The following NPAS3 variants were observed in gnomAD, a reference collection of about 807,000 sequenced individuals.
NPAS3 encodes neuronal PAS domain-containing protein 3.
A neutral mutation model predicts 73.1 loss-of-function variants in NPAS3; 14 were observed. The ratio of observed to expected loss-of-function variants is 0.19; its 90% CI spans 0.13 to 0.30. The LOEUF is 0.30. NPAS3 is among the 10% of genes least tolerant of loss of function. The pLI, the probability that NPAS3 is intolerant of heterozygous loss-of-function variation, is 1.00. For missense variants in NPAS3, 1,096 were observed against 1,250.0 expected (o/e 0.88, Z 1.86); for synonymous variants, 620 against 541.5 (o/e 1.14, Z -2.01).
At chr14:33,158,860 A>G (rs1470342346) in intron 2 of NPAS3, among the ~76,000 whole-genome samples, 1 of 152,070 alleles carries the variant, frequency 6.6e-6, no homozygotes, top group Non-Finnish European at 1.5e-5. Flanking sequence ...AGGTTTTGAT[A>G]GACTCTTTTA....
chr14:33,170,244 T>C (rs2045339284), intron 2 of NPAS3, among the ~76,000 whole-genome samples: 1 of 152,208 alleles, frequency 6.6e-6, no homozygotes, highest in South Asian at 2.1e-4. Flanking sequence ...TATATTAACA[T>C]TATGCTGTAG....
upstream of NPAS3, among the ~76,000 whole-genome samples, chr14:32,935,463 G>A (rs74041752): frequency 5.2e-3 from 787 of 152,324 alleles, 10 homozygotes; most frequent in African/African-American, 0.018. Flanking sequence ...ATGTGTAGCT[G>A]TAAACTTGCA....
intron 6 of NPAS3, among the ~76,000 whole-genome samples, chr14:33,684,361 GAGTGC>G (rs1056768506): frequency 1.4e-4 from 21 of 151,700 alleles, no homozygotes; most frequent in African/African-American, 4.8e-4. Flanking sequence ...GCCCAGGCTG[GAGTGC>G]AGTGGCACAA....
chr14:33,158,563 G>A (rs184712158), intron 2 of NPAS3, among the ~76,000 whole-genome samples: 90 of 152,248 alleles, frequency 5.9e-4, no homozygotes, highest in Admixed American at 5.9e-3. Flanking sequence ...ACAGGGAAAT[G>A]GTGTAGGCAC....
intron 3 of NPAS3, among the ~76,000 whole-genome samples, chr14:33,261,345 G>A (rs1205391868): frequency 6.6e-6 from 1 of 151,512 alleles, no homozygotes; most frequent in African/African-American, 2.4e-5. Flanking sequence ...GACTTTTTGG[G>A]CACTTGTATA....
rs776193624 is a variant in NPAS3, at chr14:33,774,418, G to A, written c.934G>A (p.Val312Met). The A allele has an allele frequency of 1.6e-5, 26 of 1,614,078 alleles. No individual in the cohort carries two copies. The highest frequency in any genetic ancestry group is 5.3e-5 in the African/African-American group (4 of 74,934). ...CGTCCCCAGCCAAATCATGGGTCTC[G>A]TGGTTGTTGCGCATGCCTTGCCTCC... The change falls in exon 8 of 12, where the codon GTG becomes ATG. Residue 312 changes from valine (V) to methionine (M), a missense_variant. Transcript: ENST00000356141.
chr14:33,484,581 A>G (rs1213867854), intron 4 of NPAS3, among the ~76,000 whole-genome samples: 1 of 152,192 alleles, frequency 6.6e-6, no homozygotes, highest in Non-Finnish European at 1.5e-5. Context: ...ACATTTGTGA[A>G]TGTGTGTGAG....
chr14:33,641,480 G>A (rs558897555), intron 5 of NPAS3, among the ~76,000 whole-genome samples: 28 of 152,166 alleles, frequency 1.8e-4, no homozygotes, highest in Non-Finnish European at 3.1e-4. Flanking sequence ...AGTTTGTCAT[G>A]TAACACCACT....
chr14:33,207,234 TACACACAC>T (rs760045327), intron 2 of NPAS3, among the ~76,000 whole-genome samples: 2,291 of 88,402 alleles, frequency 0.026, 25 homozygotes, highest in Middle Eastern at 0.1. Context: ...CAAAGAACAT[TACACACAC>T]ACACACACAC....
At chr14:32,959,313 G>A (rs554055937) in intron 1 of NPAS3, among the ~76,000 whole-genome samples, 2 of 152,302 alleles carry the variant, frequency 1.3e-5, no homozygotes, top group South Asian at 4.1e-4. Flanking sequence ...GTTGTTACTA[G>A]GGGCTGCCTG....
chr14:33,578,482 C>A, intron 5 of NPAS3: 1 of 320,036 alleles, frequency 3.1e-6, no homozygotes, highest in Non-Finnish European at 6.1e-6. Flanking sequence ...GCATAAGACA[C>A]CGCACCCAGC....
intron 5 of NPAS3, among the ~76,000 whole-genome samples, chr14:33,658,810 A>G (rs1392498059): frequency 6.6e-6 from 1 of 152,152 alleles, no homozygotes; most frequent in Non-Finnish European, 1.5e-5. Flanking sequence ...CCCCACTAAT[A>G]GTGTATTAAT....
At chr14:33,412,980 C>A (rs938867897) in intron 4 of NPAS3, among the ~76,000 whole-genome samples, 3 of 152,112 alleles carry the variant, frequency 2.0e-5, no homozygotes, top group African/African-American at 7.2e-5. Flanking sequence ...GTTTTAGTTA[C>A]AAAATTGAGA....
At chr14:33,599,330 T>A (rs971451051) in intron 5 of NPAS3, among the ~76,000 whole-genome samples, 4 of 152,214 alleles carry the variant, frequency 2.6e-5, no homozygotes, top group African/African-American at 9.6e-5. Flanking sequence ...GCTATCTTTG[T>A]ATATTTTGAA....
chr14:33,118,518 G>T (rs536261535), intron 2 of NPAS3, among the ~76,000 whole-genome samples: 2 of 151,968 alleles, frequency 1.3e-5, no homozygotes, highest in East Asian at 3.9e-4. Context: ...TTTTCCATAC[G>T]GTCTGTCTTA....
rs112077136 is a variant in NPAS3, at chr14:33,555,483, T to A, written c.469-4638T>A. On this transcript the variant is annotated intron_variant, in intron 4 of 11. Transcript: ENST00000356141. ...AAAAAGTAGCCTGCAGTGATTGAAC[T>A]GCATAGTATATAATAGCTTTCTTGA... Among the ~76,000 whole-genome samples, 1,292 of 152,306 alleles carry A rather than the reference T, an allele frequency of 8.5e-3. 23 individuals are homozygous for A. The highest frequency in any genetic ancestry group is 0.029 in the African/African-American group (1,221 of 41,558).
At chr14:33,674,023 G>A (rs2059684046) in intron 5 of NPAS3, among the ~76,000 whole-genome samples, 1 of 152,124 alleles carries the variant, frequency 6.6e-6, no homozygotes, top group African/African-American at 2.4e-5. Context: ...ATCCCATGAG[G>A]CCACAGGGAG....
At chr14:33,176,444 G>T (rs904560318) in intron 2 of NPAS3, among the ~76,000 whole-genome samples, 3 of 152,080 alleles carry the variant, frequency 2.0e-5, no homozygotes, top group African/African-American at 7.2e-5. Context: ...GCCTGTTCTA[G>T]TTATTTCACA....
At chr14:33,405,336 G>C (rs1020307291) in intron 4 of NPAS3, among the ~76,000 whole-genome samples, 26 of 152,066 alleles carry the variant, frequency 1.7e-4, no homozygotes, top group African/African-American at 5.8e-4. Flanking sequence ...ATCTTCCATG[G>C]TGCAAAGCAG....
Sources: gnomAD v4.1 joint callset for allele counts (sites outside exome capture counted in the v4.1 genomes callset) on GRCh38, gnomAD v4.1.1 for gene constraint, MANE v1.5 for transcripts, NCBI Gene and HGNC (gene_info 2026-07-23, HGNC 2026-07-21) for gene names.